Variants in CPEB1 observed in about 807,000 individuals in gnomAD.
The protein encoded by CPEB1 is cytoplasmic polyadenylation element-binding protein 1.
In CPEB1, 7 loss-of-function variants were observed where a neutral mutation model predicts 65.8. The observed-to-expected ratio is 0.11, with a 90% CI of 0.06 to 0.20. The LOEUF (loss-of-function observed/expected upper bound fraction) is 0.20. Ranked by LOEUF, CPEB1 falls within the 10% of genes least tolerant of loss-of-function variation. The pLI is 1.00. For synonymous variants in CPEB1, 262 were observed against 260.0 expected, an observed-to-expected ratio of 1.01 and a Z score of -0.08; for missense variants, 551 against 712.2, an observed-to-expected ratio of 0.77 and a Z score of 2.58.
intron 3 of CPEB1, among the ~76,000 whole-genome samples, chr15:82,619,851 GA>G (rs952441118): frequency 6.6e-6 from 1 of 152,028 alleles, no homozygotes; most frequent in Non-Finnish European, 1.5e-5. Flanking sequence ...TAACCACTGA[GA>G]AAAACTGGCA....
intron 4 of CPEB1, among the ~76,000 whole-genome samples, chr15:82,565,104 G>C (rs1426871202): frequency 6.6e-6 from 1 of 152,140 alleles, no homozygotes; most frequent in Non-Finnish European, 1.5e-5. Flanking sequence ...ATACCAAGAA[G>C]ACAAGAGGCC....
At chr15:82,630,094 T>C (rs1262170162) in intron 1 of CPEB1, 1 of 985,308 alleles carries the variant, frequency 1.0e-6, no homozygotes, top group Non-Finnish European at 1.2e-6. Context: ...TCATGAAGGC[T>C]AAGATGCAAA....
At chr15:82,558,933 G>C (rs1567177337) in intron 4 of CPEB1, among the ~76,000 whole-genome samples, 2 of 146,888 alleles carry the variant, frequency 1.4e-5, no homozygotes, top group Non-Finnish European at 3.0e-5. Flanking sequence ...CTAAATCTAG[G>C]AAAGAAGCCT....
chr15:82,579,742 C>T (rs2041052115), intron 3 of CPEB1, among the ~76,000 whole-genome samples: 1 of 149,712 alleles, frequency 6.7e-6, no homozygotes, highest in Non-Finnish European at 1.5e-5. Flanking sequence ...GAAACCCCGT[C>T]TCTACTAAAA....
At chr15:82,576,007 G>C (rs561359955) in intron 3 of CPEB1, among the ~76,000 whole-genome samples, 1 of 152,272 alleles carries the variant, frequency 6.6e-6, no homozygotes, top group East Asian at 1.9e-4. Flanking sequence ...AAAAGTGTAT[G>C]TCTAATAAAA....
At chr15:82,577,484 G>A (rs2040790485) in intron 3 of CPEB1, among the ~76,000 whole-genome samples, 1 of 152,142 alleles carries the variant, frequency 6.6e-6, no homozygotes, top group South Asian at 2.1e-4. Context: ...CTAAGTGAAG[G>A]ACAGACATAG....
chr15:82,572,852 CAA>C (rs1405297160), intron 3 of CPEB1: 1 of 577,434 alleles, frequency 1.7e-6, no homozygotes, highest in African/African-American at 1.9e-5. Context: ...GCTCCAGCAA[CAA>C]AGACTAAGAA....
intron 1 of CPEB1, chr15:82,637,942 C>G (rs1234217472): frequency 2.2e-6 from 1 of 450,164 alleles, no homozygotes. Context: ...AAACCTATTA[C>G]ATATTAACAC....
At chr15:82,621,272 C>T (rs2045273465) in intron 3 of CPEB1, among the ~76,000 whole-genome samples, 1 of 151,786 alleles carries the variant, frequency 6.6e-6, no homozygotes, top group Non-Finnish European at 1.5e-5. Flanking sequence ...TGGCTTGAGG[C>T]CAGGAGTCTG....
rs1372269615 is a variant in CPEB1, at chr15:82,552,538, G to A, written c.1223C>T (p.Pro408Leu). 6.2e-7 allele frequency: 1 copy of A among 1,609,990 alleles called. No individual in the cohort carries two copies. The highest frequency in any genetic ancestry group is 8.5e-7 in the Non-Finnish European group (1 of 1,178,686). Residue 408 changes from proline (P) to leucine (L), a missense_variant, in exon 9 of 13, where the codon CCA becomes CTA. This residue lies in a region of CPEB1 where 99 missense variants were observed against 161.3 expected (regional missense o/e 0.61). Transcript: ENST00000684509. ...GAAATAATATTCACTCAGGCCATCTGGGCTCAGCGGGTCATGAGAGCAAGC... is the reference window on the plus strand; with the variant it reads ...GAAATAATATTCACTCAGGCCATCTAGGCTCAGCGGGTCATGAGAGCAAGC... ...LQACSHDPLS[P>L]DGLSEYYFKM...
chr15:82,568,923 T>C (rs1367121466), intron 4 of CPEB1, among the ~76,000 whole-genome samples: 3 of 152,214 alleles, frequency 2.0e-5, no homozygotes, highest in African/African-American at 7.2e-5. Context: ...TGGTAGAAGA[T>C]GGTCAGATGT....
At chr15:82,598,398 G>A (rs945393959) in intron 3 of CPEB1, among the ~76,000 whole-genome samples, 36 of 152,164 alleles carry the variant, frequency 2.4e-4, no homozygotes, top group African/African-American at 7.7e-4. Context: ...GGAGGCTGAA[G>A]CAGGAGAATC....
chr15:82,600,897 C>CTTTTTTTTT (rs751843256), intron 3 of CPEB1, among the ~76,000 whole-genome samples: 1 of 64,186 alleles, frequency 1.6e-5, no homozygotes, highest in African/African-American at 6.2e-5. Context: ...CAGAACTTGT[C>CTTTTTTTTT]TTTTTTTTTT....
intron 3 of CPEB1, among the ~76,000 whole-genome samples, chr15:82,595,098 C>A (rs549857103): frequency 4.6e-5 from 7 of 152,162 alleles, no homozygotes; most frequent in Non-Finnish European, 1.0e-4. Context: ...CAGACTTGTT[C>A]AACACAGGAT....
At chr15:82,572,196 T>C (rs543857989) in intron 3 of CPEB1, 1 of 152,182 alleles carries the variant, frequency 6.6e-6, no homozygotes, top group Non-Finnish European at 1.5e-5. Flanking sequence ...TGCAGCCCAA[T>C]GCAAAGCTTC....
In CPEB1 at chr15:82,549,520, C is replaced by T. The variant is rs202224849; in HGVS notation, c.1420G>A (p.Asp474Asn). Reference sequence around the variant, plus strand: ...GCATACACCACTCCACCAAATAGGTCGTTCAAGATGGCTGCCAGGGCCTCA... The same window carrying T: ...GCATACACCACTCCACCAAATAGGTTGTTCAAGATGGCTGCCAGGGCCTCA... ...NAEALAAILNDLFGGVVYAGI... is the reference protein window; with the variant it reads ...NAEALAAILNNLFGGVVYAGI... Residue 474 changes from aspartate to asparagine, a missense_variant, in exon 10 of 13, where the codon GAC becomes AAC. Transcript: ENST00000684509. 5.0e-5 allele frequency: 80 copies of T among 1,614,226 alleles called. No homozygotes were observed. In the African/African-American group the frequency reaches 9.2e-4, roughly 19 times the overall value.
chr15:82,622,905 C>T (rs1004546487), intron 3 of CPEB1, among the ~76,000 whole-genome samples: 1 of 152,180 alleles, frequency 6.6e-6, no homozygotes, highest in Admixed American at 6.5e-5. Flanking sequence ...TCAAATGCTA[C>T]CCCCCTCCTT....
chr15:82,571,944 G>C, intron 3 of CPEB1: 1 of 779,820 alleles, frequency 1.3e-6, no homozygotes, highest in Non-Finnish European at 1.6e-6. Context: ...GAATAGTCCC[G>C]GTGCAGTGCC....
At chr15:82,622,502 G>A (rs2045391553) in intron 3 of CPEB1, among the ~76,000 whole-genome samples, 2 of 152,088 alleles carry the variant, frequency 1.3e-5, no homozygotes, top group African/African-American at 4.8e-5. Context: ...CCCGGTTCAA[G>A]CAATTCTCCT....
Sources: allele counts gnomAD v4.1 joint callset (sites outside exome capture counted in the v4.1 genomes callset), GRCh38; gene constraint gnomAD v4.1.1; regional missense constraint gnomAD v4.1.1; transcripts MANE v1.5; gene names NCBI Gene and HGNC (gene_info 2026-07-23, HGNC 2026-07-21).